The following SMAD3 variants were observed in gnomAD, a reference collection of about 807,000 sequenced individuals.
The protein encoded by SMAD3 is SMAD family member 3, also known as MAD homolog 3.
Under a neutral mutation model 51.8 loss-of-function variants are expected in SMAD3, and 12 were observed. The ratio of observed to expected loss-of-function variants is 0.23; its 90% CI spans 0.15 to 0.38. SMAD3 has a LOEUF of 0.38. SMAD3 is among the 10% of genes least tolerant of loss of function. SMAD3 has a pLI of 1.00. For synonymous variants in SMAD3, 238 were observed against 227.7 expected (o/e 1.05, Z -0.41); for missense variants, 294 against 565.6 (o/e 0.52, Z 4.87).
In SMAD3 at chr15:67,181,975, C is replaced by T. The variant is rs751746647; in HGVS notation, c.871+522C>T. 2.2e-4 allele frequency among the ~76,000 whole-genome samples: 34 copies of T among 151,992 alleles called. 1 individual carries two copies. The highest frequency in any genetic ancestry group is 4.2e-4 in the South Asian group (2 of 4,814). On this transcript the variant is annotated intron_variant, in intron 6 of 8. Coordinates refer to ENST00000327367, the MANE Select transcript of SMAD3 (RefSeq NM_005902.4). Reference sequence around the variant, plus strand: ...CTAATTTTTGTGTTTTTAGTAGAGACGGGGTTTCTCCATGTTGGCCAGGCT... The same window carrying T: ...CTAATTTTTGTGTTTTTAGTAGAGATGGGGTTTCTCCATGTTGGCCAGGCT...
intron 1 of SMAD3, among the ~76,000 whole-genome samples, chr15:67,115,234 A>G (rs186058552): frequency 1.2e-3 from 175 of 146,952 alleles, no homozygotes; most frequent in African/African-American, 4.1e-3. Context: ...TACAAAGATG[A>G]TGAGACGTAG....
intron 1 of SMAD3, chr15:67,138,199 G>C (rs1014527785): frequency 2.1e-6 from 2 of 931,350 alleles, no homozygotes; most frequent in Admixed American, 2.1e-5. Flanking sequence ...GAGTTTCTCC[G>C]GGCTTCTCTT....
At chr15:67,177,391 G>C (rs891928622) in intron 5 of SMAD3, among the ~76,000 whole-genome samples, 2 of 149,264 alleles carry the variant, frequency 1.3e-5, no homozygotes, top group African/African-American at 5.1e-5. Flanking sequence ...AGTACTTTGG[G>C]AAAGAAATGA....
intron 1 of SMAD3, among the ~76,000 whole-genome samples, chr15:67,159,258 A>G (rs1464969007): frequency 6.6e-6 from 1 of 152,054 alleles, no homozygotes; most frequent in African/African-American, 2.4e-5. Context: ...TTTTGTAGAG[A>G]TGGGGTTTCA....
chr15:67,177,021 C>A (rs1165175376), intron 5 of SMAD3, among the ~76,000 whole-genome samples: 1 of 152,206 alleles, frequency 6.6e-6, no homozygotes, highest in Non-Finnish European at 1.5e-5. Context: ...CCTAGAGGAG[C>A]CTTCTATAGA....
intron 1 of SMAD3, among the ~76,000 whole-genome samples, chr15:67,068,068 A>C (rs1595883109): frequency 6.6e-6 from 1 of 152,246 alleles, no homozygotes; most frequent in African/African-American, 2.4e-5. Flanking sequence ...AGTGTTTCAC[A>C]GTTTACAAAG....
At chr15:67,111,682 C>A (rs145145726) in intron 1 of SMAD3, among the ~76,000 whole-genome samples, 1 of 152,248 alleles carries the variant, frequency 6.6e-6, no homozygotes, top group African/African-American at 2.4e-5. Context: ...TTTATTTTAG[C>A]CATTCTAGTG....
At chr15:67,070,252 C>T (rs1435850665) in intron 1 of SMAD3, among the ~76,000 whole-genome samples, 3 of 152,086 alleles carry the variant, frequency 2.0e-5, no homozygotes, top group African/African-American at 7.2e-5. Flanking sequence ...TATCTCTTTG[C>T]TCTTGTTAAG....
At chr15:67,160,573 C>A (rs1300815863) in intron 1 of SMAD3, among the ~76,000 whole-genome samples, 1 of 151,984 alleles carries the variant, frequency 6.6e-6, no homozygotes, top group Non-Finnish European at 1.5e-5. Flanking sequence ...GAGTTCGAGA[C>A]CATCCTGGTT....
At chr15:67,170,321 TAA>T (rs935144661) in intron 4 of SMAD3, among the ~76,000 whole-genome samples, 4 of 152,276 alleles carry the variant, frequency 2.6e-5, no homozygotes, top group South Asian at 2.1e-4. Context: ...ATCATAATCA[TAA>T]GAGACCTCTG....
At chr15:67,155,184 C>T (rs1962250033) in intron 1 of SMAD3, among the ~76,000 whole-genome samples, 1 of 152,174 alleles carries the variant, frequency 6.6e-6, no homozygotes, top group African/African-American at 2.4e-5. Context: ...TAGAGTTAGC[C>T]AGTGTCGCCT....
chr15:67,093,739 C>T (rs1449110422), intron 1 of SMAD3, among the ~76,000 whole-genome samples: 1 of 152,200 alleles, frequency 6.6e-6, no homozygotes, highest in African/African-American at 2.4e-5. Flanking sequence ...TGTTGGCATG[C>T]GAGGTAGCAC....
intron 1 of SMAD3, among the ~76,000 whole-genome samples, chr15:67,070,481 G>A (rs150241071): frequency 2.0e-5 from 3 of 152,072 alleles, no homozygotes; most frequent in African/African-American, 7.2e-5. Context: ...TTGATTTATT[G>A]ATATTTATTG....
intron 1 of SMAD3, among the ~76,000 whole-genome samples, chr15:67,140,336 A>G (rs938878663): frequency 1.2e-4 from 19 of 152,316 alleles, no homozygotes; most frequent in Non-Finnish European, 2.2e-4. Context: ...CTTTGGTTTC[A>G]GGCAAGAGAA....
At chr15:67,108,150 C>A (rs952754536) in intron 1 of SMAD3, among the ~76,000 whole-genome samples, 2 of 152,176 alleles carry the variant, frequency 1.3e-5, no homozygotes, top group African/African-American at 4.8e-5. Context: ...TGGCCTTGCC[C>A]TCGGGGGCTC....
intron 5 of SMAD3, among the ~76,000 whole-genome samples, chr15:67,181,005 T>TAAATAAAA (rs1170449239): frequency 1.2e-4 from 18 of 150,078 alleles, no homozygotes; most frequent in Admixed American, 3.3e-4. Flanking sequence ...AATAAATAAA[T>TAAATAAAA]AAAAAGAGAA....
Position 67,193,880 on chromosome 15 carries a change from T to C in SMAD3, c.*3344T>C, listed in dbSNP as rs953717952. 5.6e-5 allele frequency: 13 copies of C among 233,288 alleles called. No homozygotes were observed. In the East Asian group the frequency reaches 7.8e-4, roughly 14 times the overall value. 14.5% of individuals were successfully genotyped at this position (233,288 alleles called of 1,614,324 possible). On this transcript the variant is annotated 3_prime_UTR_variant, in exon 9 of 9. Coordinates refer to ENST00000327367, the MANE Select transcript of SMAD3 (RefSeq NM_005902.4). ...AAGACTACAGAAAGGTTTGAAGTAG[T>C]GTGTGCATGGCATGCACGTATGTAA...
chr15:67,124,110 C>A (rs1295132547), intron 1 of SMAD3, among the ~76,000 whole-genome samples: 3 of 152,162 alleles, frequency 2.0e-5, no homozygotes, highest in African/African-American at 7.2e-5. Flanking sequence ...GCCTTGACCT[C>A]CTGATTAGCT....
intron 1 of SMAD3, among the ~76,000 whole-genome samples, chr15:67,079,660 T>C (rs1960241428): frequency 1.3e-5 from 2 of 152,158 alleles, no homozygotes; most frequent in African/African-American, 4.8e-5. Flanking sequence ...TTGATCTTAT[T>C]TACTTACCTA....
Sources: gnomAD v4.1 joint callset for allele counts (sites outside exome capture counted in the v4.1 genomes callset) on GRCh38, gnomAD v4.1.1 for gene constraint, MANE v1.5 for transcripts, NCBI Gene and HGNC (gene_info 2026-07-23, HGNC 2026-07-21) for gene names.